Variants in MYO3B observed in about 807,000 individuals in gnomAD.
The protein encoded by MYO3B is myosin-IIIb.
A neutral mutation model predicts 174.6 loss-of-function variants in MYO3B; 156 were observed. That is an observed-to-expected ratio of 0.89 (90% CI 0.78 to 1.02). The LOEUF (loss-of-function observed/expected upper bound fraction) is 1.02. Ranked by LOEUF, MYO3B falls within the 50% of genes least tolerant of loss-of-function variation. The pLI is 0.00. For synonymous variants in MYO3B, 563 were observed against 569.1 expected, an observed-to-expected ratio of 0.99 and a Z score of 0.15; for missense variants, 1,632 against 1,639.4, an observed-to-expected ratio of 1.00 and a Z score of 0.08.
intron 6 of MYO3B, among the ~76,000 whole-genome samples, chr2:170,221,498 C>T (rs936035603): frequency 2.6e-5 from 4 of 152,080 alleles, no homozygotes; most frequent in Non-Finnish European, 5.9e-5. Context: ...CACTGGGGCA[C>T]CTCAAAGCTG....
intron 7 of MYO3B, among the ~76,000 whole-genome samples, chr2:170,256,417 A>G (rs111322373): frequency 0.02 from 3,028 of 152,314 alleles, 46 homozygotes; most frequent in Non-Finnish European, 0.022. Context: ...AGGGAACCCC[A>G]TTATGCTAAC....
rs189621446 is a variant in MYO3B at position 170,221,704 on chromosome 2, A to G, written c.603+4309A>G. ...CTGGGGAAATAAATTGCTTGGCATA[A>G]TAAAAGGGTTAATCTAAAAGTCAAG... On this transcript the variant is annotated intron_variant, in intron 6 of 34. Coordinates refer to ENST00000408978, the MANE Select transcript of MYO3B (RefSeq NM_138995.5). Among the ~76,000 whole-genome samples, 31 of 152,046 alleles carry G rather than the reference A, an allele frequency of 2.0e-4. No homozygotes were observed. The East Asian group carries it at 5.3e-3, about 26-fold the overall frequency.
rs147060881 is a variant in MYO3B, at chr2:170,452,612, C to T, written c.2730+8566C>T. ...TATTCCAGACTCCAGCCAGGAAAGC[C>T]AATATTTTTGGCCTTTGAATTCTAC... On this transcript the variant is annotated intron_variant, in intron 23 of 34. Transcript: ENST00000408978. Among the ~76,000 whole-genome samples, 285 of 152,188 alleles carry T rather than the reference C, an allele frequency of 1.9e-3. 1 individual carries two copies. Among genetic ancestry groups the T allele is most frequent in the African/African-American group, 6.7e-3 (277 of 41,528 alleles).
intron 1 of MYO3B, among the ~76,000 whole-genome samples, chr2:170,186,195 C>A (rs1376473470): frequency 6.6e-6 from 1 of 152,186 alleles, no homozygotes; most frequent in African/African-American, 2.4e-5. Flanking sequence ...AAGTGGGCAT[C>A]CTTGTCATAT....
intron 27 of MYO3B, among the ~76,000 whole-genome samples, chr2:170,500,686 A>G (rs958321384): frequency 7.2e-5 from 11 of 152,318 alleles, no homozygotes; most frequent in Admixed American, 6.5e-4. Context: ...CCAGTGATGT[A>G]AAGCCCCAGT....
intron 7 of MYO3B, among the ~76,000 whole-genome samples, chr2:170,319,713 T>C (rs372679254): frequency 2.6e-5 from 4 of 152,082 alleles, no homozygotes; most frequent in South Asian, 2.1e-4. Flanking sequence ...TACAAAGAGA[T>C]TGAGACCTTT....
intron 32 of MYO3B, among the ~76,000 whole-genome samples, chr2:170,603,393 T>A (rs565242133): frequency 2.6e-4 from 39 of 152,358 alleles, no homozygotes; most frequent in Admixed American, 4.6e-4. Context: ...GCATTTGCTA[T>A]ATAAGCCATT....
At chr2:170,271,665 A>G (rs2093425989) in intron 7 of MYO3B, among the ~76,000 whole-genome samples, 1 of 152,144 alleles carries the variant, frequency 6.6e-6, no homozygotes, top group Non-Finnish European at 1.5e-5. Context: ...AAGCTCCTCA[A>G]ACTGTGCTAT....
intron 3 of MYO3B, among the ~76,000 whole-genome samples, chr2:170,208,793 G>A (rs2092741721): frequency 6.6e-6 from 1 of 152,158 alleles, no homozygotes; most frequent in Non-Finnish European, 1.5e-5. Flanking sequence ...CACTTGACCT[G>A]ATTATTTGCA....
intron 24 of MYO3B, 149 bp downstream of exon 24, chr2:170,463,594 G>A: frequency 1.5e-6 from 1 of 685,668 alleles, no homozygotes; most frequent in Admixed American, 2.6e-5. Context: ...AGCAAGGAAG[G>A]AAGAGAACAT....
chr2:170,469,516 A>C (rs1033291701), intron 25 of MYO3B, among the ~76,000 whole-genome samples: 1 of 152,060 alleles, frequency 6.6e-6, no homozygotes, highest in Admixed American at 6.5e-5. Flanking sequence ...GGCATCTTCC[A>C]TTTCTTCTCA....
At chr2:170,283,224 C>T (rs1337910029) in intron 7 of MYO3B, among the ~76,000 whole-genome samples, 1 of 152,072 alleles carries the variant, frequency 6.6e-6, no homozygotes, top group Non-Finnish European at 1.5e-5. Flanking sequence ...CAAGGAGAGT[C>T]AAGGGACTCT....
In MYO3B at chr2:170,626,940, T is replaced by C. The variant is rs529941300; in HGVS notation, c.3734-24688T>C. ...CCACTGTTAGTCTGATGGGCTTCCC[T>C]TTGTGGGTAACCCGACCTTTCTCTC... On this transcript the variant is annotated intron_variant, in intron 32 of 34. Coordinates refer to ENST00000408978, the MANE Select transcript of MYO3B (RefSeq NM_138995.5). Among the ~76,000 whole-genome samples, 198 of 152,324 alleles carry C rather than the reference T, an allele frequency of 1.3e-3. 1 individual carries two copies. The highest frequency in any genetic ancestry group is 1.1e-3 in the Non-Finnish European group (73 of 68,030).
At chr2:170,223,466 G>C (rs1400254559) in intron 6 of MYO3B, among the ~76,000 whole-genome samples, 1 of 152,200 alleles carries the variant, frequency 6.6e-6, no homozygotes, top group Non-Finnish European at 1.5e-5. Context: ...TGATGTTGTA[G>C]ATAAAGAATC....
rs568606778 is a variant in MYO3B at position 170,473,068 on chromosome 2, T to C, written c.3014+6357T>C. ...CACGAATTCAGTGTTTAATTAATAT[T>C]TGTTGAGTTGAATCAAACTCTTACC... On this transcript the variant is annotated intron_variant, in intron 25 of 34. Transcript: ENST00000408978. Among the ~76,000 whole-genome samples, 19 of 152,174 alleles carry C rather than the reference T, an allele frequency of 1.2e-4. No individual in the cohort carries two copies. The East Asian group carries it at 3.5e-3, about 28-fold the overall frequency.
chr2:170,227,921 G>T (rs551753276), intron 6 of MYO3B, among the ~76,000 whole-genome samples: 20 of 152,254 alleles, frequency 1.3e-4, no homozygotes, highest in African/African-American at 4.8e-4. Context: ...TCCTGACTTG[G>T]TGTAATAATA....
chr2:170,452,521 CATTTTA>C (rs1172407408), intron 23 of MYO3B, among the ~76,000 whole-genome samples: 1 of 152,096 alleles, frequency 6.6e-6, no homozygotes, highest in East Asian at 1.9e-4. Context: ...CTTGGATATC[CATTTTA>C]ATTAAGCTGA....
intron 8 of MYO3B, among the ~76,000 whole-genome samples, chr2:170,358,411 C>T (rs1321396209): frequency 6.6e-6 from 1 of 151,946 alleles, no homozygotes; most frequent in Admixed American, 6.6e-5. Context: ...TTAGTGGTTG[C>T]CTGGGACTGA....
Position 170,426,129 on chromosome 2 carries a change from T to C in MYO3B, c.2651-17838T>C, listed in dbSNP as rs2105870902. ...GTAGATAACATTTGTTTATTCTCTT[T>C]TTCCTTTTGCTCTGTCTTTTGTTGA... is the stretch of plus-strand genomic sequence containing the variant. On this transcript the variant is annotated intron_variant, in intron 22 of 34. Coordinates refer to ENST00000408978, the MANE Select transcript of MYO3B (RefSeq NM_138995.5). Among the ~76,000 whole-genome samples the C allele has an allele frequency of 1.3e-5, 2 of 152,020 alleles. 1 individual carries two copies. The highest frequency in any genetic ancestry group is 6.8e-3 in the Middle Eastern group (2 of 294).
Sources: allele counts gnomAD v4.1 joint callset (sites outside exome capture counted in the v4.1 genomes callset), GRCh38; gene constraint gnomAD v4.1.1; transcripts MANE v1.5; gene names NCBI Gene and HGNC (gene_info 2026-07-23, HGNC 2026-07-21).